RIMS2: variants seen among roughly 807,000 people sequenced by gnomAD.
RIMS2 encodes regulating synaptic membrane exocytosis 2, also known as regulating synaptic membrane exocytosis protein 2.
In RIMS2, 59 loss-of-function variants were observed where a neutral mutation model predicts 174.4. The observed-to-expected ratio is 0.34, with a 90% CI of 0.27 to 0.42. The LOEUF (loss-of-function observed/expected upper bound fraction) is 0.42, where lower values mean the gene tolerates loss of function less well. Among genes scored for constraint, RIMS2 ranks in the 10% least tolerant of loss-of-function variants. The probability of loss-of-function intolerance (pLI) is 1.00; values close to 1 mark genes in which losing one functional copy is unlikely to be tolerated. For missense variants in RIMS2, 1,620 were observed against 1,666.3 expected (o/e 0.97, Z 0.48); for synonymous variants, 606 against 572.5 (o/e 1.06, Z -0.84).
intron 19 of RIMS2, among the ~76,000 whole-genome samples, chr8:104,215,318 G>A (rs1312750321): frequency 6.6e-6 from 1 of 152,078 alleles, no homozygotes; most frequent in East Asian, 1.9e-4. Flanking sequence ...ATGAAAAAAA[G>A]GAACAAGTAA....
intron 19 of RIMS2, among the ~76,000 whole-genome samples, chr8:104,041,735 G>A (rs1483490088): frequency 6.6e-6 from 1 of 151,498 alleles, no homozygotes; most frequent in Non-Finnish European, 1.5e-5. Context: ...AATTCCAAAA[G>A]TATTTGATTT....
chr8:103,814,013 G>A (rs375336013), intron 3 of RIMS2, among the ~76,000 whole-genome samples: 17 of 152,048 alleles, frequency 1.1e-4, no homozygotes, highest in African/African-American at 3.9e-4. Flanking sequence ...GCCCATCAAT[G>A]GTAGACTGCA....
intron 19 of RIMS2, among the ~76,000 whole-genome samples, chr8:104,159,722 C>T (rs1054005055): frequency 5.9e-5 from 9 of 152,112 alleles, no homozygotes; most frequent in Non-Finnish European, 1.3e-4. Context: ...ATTTGTTTAT[C>T]TTCTTTAGAA....
At chr8:104,012,920 T>C (rs571399622) in intron 17 of RIMS2, among the ~76,000 whole-genome samples, 5 of 152,320 alleles carry the variant, frequency 3.3e-5, no homozygotes, top group Admixed American at 6.5e-5. Context: ...GGTTTAAATA[T>C]GGCTACAGAC....
chr8:104,074,303 G>C (rs1598284980), intron 19 of RIMS2, among the ~76,000 whole-genome samples: 2 of 152,064 alleles, frequency 1.3e-5, no homozygotes, highest in South Asian at 4.1e-4. Flanking sequence ...GCTTGGGGTA[G>C]GTTTAACCTC....
chr8:104,211,532 G>A (rs890075549), intron 19 of RIMS2, among the ~76,000 whole-genome samples: 6 of 151,378 alleles, frequency 4.0e-5, no homozygotes, highest in Non-Finnish European at 1.5e-5. Context: ...ACATTGAAGG[G>A]TTTTTAAGAG....
chr8:103,769,835 A>T (rs2098229850), intron 3 of RIMS2, among the ~76,000 whole-genome samples: 1 of 152,126 alleles, frequency 6.6e-6, no homozygotes, highest in Admixed American at 6.5e-5. Context: ...TTAATGACTA[A>T]AAGCATACTG....
intron 3 of RIMS2, among the ~76,000 whole-genome samples, chr8:103,797,864 C>T (rs777117484): frequency 6.6e-6 from 1 of 152,036 alleles, no homozygotes; most frequent in African/African-American, 2.4e-5. Context: ...TTGTCACTGC[C>T]AGTCCTGGCT....
At chr8:103,961,894 C>G (rs1365942161) in intron 15 of RIMS2, among the ~76,000 whole-genome samples, 1 of 152,064 alleles carries the variant, frequency 6.6e-6, no homozygotes, top group Non-Finnish European at 1.5e-5. Flanking sequence ...CAGTGTACCA[C>G]TTTTTAAAAA....
intron 19 of RIMS2, among the ~76,000 whole-genome samples, chr8:104,169,988 G>T (rs1193819252): frequency 6.6e-6 from 1 of 151,876 alleles, no homozygotes; most frequent in East Asian, 1.9e-4. Context: ...GTTCCTTTTG[G>T]AGTTGATTTC....
intron 19 of RIMS2, among the ~76,000 whole-genome samples, chr8:104,154,552 T>G (rs1317867675): frequency 6.6e-6 from 1 of 152,176 alleles, no homozygotes; most frequent in African/African-American, 2.4e-5. Context: ...TTAAAACAAA[T>G]AAGAAATAGA....
At chr8:103,702,359 A>C (rs973484644) in intron 2 of RIMS2, among the ~76,000 whole-genome samples, 14 of 152,050 alleles carry the variant, frequency 9.2e-5, no homozygotes, top group African/African-American at 3.4e-4. Flanking sequence ...GATAATTTGT[A>C]AATATTTTCT....
intron 1 of RIMS2, among the ~76,000 whole-genome samples, chr8:103,599,188 C>T (rs144596329): frequency 1.8e-4 from 28 of 151,754 alleles, no homozygotes; most frequent in Admixed American, 9.2e-4. Context: ...GAACCAGGAC[C>T]TTTCATCTGT....
chr8:103,502,276 A>G (rs963076529), intron 1 of RIMS2, among the ~76,000 whole-genome samples: 1 of 152,228 alleles, frequency 6.6e-6, no homozygotes, highest in African/African-American at 2.4e-5. Context: ...GTAGTCTTTC[A>G]TGTACTAATA....
chr8:103,916,406 C>A lies in RIMS2; in HGVS notation c.1913-8C>A. On this transcript the variant is annotated splice_region_variant and splice_polypyrimidine_tract_variant and intron_variant, in intron 7 of 23. Transcript: ENST00000504942. The stretch of plus-strand genomic sequence containing the variant: ...GTATAAGATTATTATTACTGACACC[C>A]ACTATAGGTGATGAAGTATTAGAAT... 1 of 1,596,074 alleles carries A rather than the reference C, an allele frequency of 6.3e-7. No homozygotes were observed. Among genetic ancestry groups the A allele is most frequent in the Non-Finnish European group, 8.6e-7 (1 of 1,169,292 alleles).
chr8:104,213,306 G>A lies in RIMS2; in HGVS notation c.3335-31610G>A, dbSNP rs547164302. Among the ~76,000 whole-genome samples, 25 of 152,190 alleles carry A rather than the reference G, an allele frequency of 1.6e-4. No individual in the cohort carries two copies. The East Asian group carries it at 2.5e-3, about 15-fold the overall frequency. ...AGCCTGTGCAACAGAGCAAGATCCC[G>A]TCTCAAAAAGAAAAGTCTTCTTCCT... On this transcript the variant is annotated intron_variant, in intron 19 of 23. Transcript: ENST00000504942.
intron 19 of RIMS2, among the ~76,000 whole-genome samples, chr8:104,241,646 T>A (rs1283709914): frequency 6.6e-6 from 1 of 152,178 alleles, no homozygotes; most frequent in Non-Finnish European, 1.5e-5. Context: ...ATGTCTCACC[T>A]GATGGGAATT....
At chr8:103,608,232 C>T (rs2095215611) in intron 1 of RIMS2, among the ~76,000 whole-genome samples, 1 of 142,954 alleles carries the variant, frequency 7.0e-6, no homozygotes, top group Admixed American at 6.8e-5. Flanking sequence ...GGACCCTCAG[C>T]TGCAGGTCTG....
chr8:104,255,352 C>A (rs565898200), downstream of RIMS2: 3 of 152,038 alleles, frequency 2.0e-5, no homozygotes, highest in Admixed American at 6.6e-5. Context: ...GTTGTTCATT[C>A]CTGTTTCTTT....
Sources: gnomAD v4.1 joint callset for allele counts (sites outside exome capture counted in the v4.1 genomes callset) on GRCh38, gnomAD v4.1.1 for gene constraint, MANE v1.5 for transcripts, NCBI Gene and HGNC (gene_info 2026-07-23, HGNC 2026-07-21) for gene names.